Variants in LDLRAD4 observed in about 807,000 individuals in gnomAD.
LDLRAD4 encodes the protein low-density lipoprotein receptor class A domain-containing protein 4.
In LDLRAD4, 5 loss-of-function variants were observed where a neutral mutation model predicts 17.0. The observed-to-expected ratio is 0.29, with a 90% CI of 0.15 to 0.62. The LOEUF is 0.62. Among genes scored for constraint, LDLRAD4 ranks in the 20% least tolerant of loss-of-function variants. The pLI, the probability that LDLRAD4 is intolerant of heterozygous loss-of-function variation, is 0.84. For missense variants in LDLRAD4, 340 were observed against 424.7 expected (o/e 0.80, Z 1.75); for synonymous variants, 168 against 171.8 (o/e 0.98, Z 0.17).
chr18:13,446,006 T>C (rs533471603), intron 3 of LDLRAD4, among the ~76,000 whole-genome samples: 64 of 152,290 alleles, frequency 4.2e-4, no homozygotes, highest in African/African-American at 1.5e-3. Context: ...TTTACTGAAA[T>C]AGTGCAGGAC....
At chr18:13,249,347 C>T (rs2145801103) in intron 1 of LDLRAD4, among the ~76,000 whole-genome samples, 1 of 152,224 alleles carries the variant, frequency 6.6e-6, no homozygotes, top group East Asian at 1.9e-4. Context: ...GTGACTGTAC[C>T]AGCTTACATT....
At chr18:13,368,989 C>T (rs900936299) in intron 1 of LDLRAD4, among the ~76,000 whole-genome samples, 1 of 152,194 alleles carries the variant, frequency 6.6e-6, no homozygotes, top group Non-Finnish European at 1.5e-5. Flanking sequence ...CAGGTGTGAG[C>T]CACCGTGCCA....
intron 3 of LDLRAD4, among the ~76,000 whole-genome samples, chr18:13,553,652 A>C (rs375849493): frequency 6.6e-6 from 1 of 152,246 alleles, no homozygotes. Flanking sequence ...GTTTTCTGAC[A>C]CCTTTATTTT....
rs187443135 is a variant in LDLRAD4 at position 13,263,409 on chromosome 18, A to C, written c.-466-14696A>C. Among the ~76,000 whole-genome samples, 503 of 152,304 alleles carry C rather than the reference A, an allele frequency of 3.3e-3. 1 individual carries two copies. The highest frequency in any genetic ancestry group is 5.7e-3 in the Non-Finnish European group (390 of 68,020). On this transcript the variant is annotated intron_variant, in intron 1 of 5. Coordinates refer to the LDLRAD4 transcript ENST00000399848. Reference sequence around the variant, plus strand: ...CTGAGTCCTGTGTGCCAGTCTTCCCATTGCCATCTCAGGGATCCTCAGGGC... The same window carrying C: ...CTGAGTCCTGTGTGCCAGTCTTCCCCTTGCCATCTCAGGGATCCTCAGGGC...
intron 1 of LDLRAD4, among the ~76,000 whole-genome samples, chr18:13,348,015 G>A (rs975074880): frequency 2.6e-5 from 4 of 152,142 alleles, no homozygotes; most frequent in East Asian, 1.9e-4. Flanking sequence ...CCACGGGTTC[G>A]AAATTCCTCC....
At chr18:13,223,078 A>G (rs1453505764) in intron 1 of LDLRAD4, among the ~76,000 whole-genome samples, 1 of 152,200 alleles carries the variant, frequency 6.6e-6, no homozygotes, top group Non-Finnish European at 1.5e-5. Flanking sequence ...AATGAACTTA[A>G]TGGTCTTGCC....
rs370329228 is a variant in LDLRAD4 at position 13,226,060 on chromosome 18, G to A, written c.-467+7072G>A. Reference sequence around the variant, plus strand: ...AATGGAGATGGGGTCTTGCTCTGTTGTCCAGGCTGGAGTGCAGTGGTGTGA... The same window carrying A: ...AATGGAGATGGGGTCTTGCTCTGTTATCCAGGCTGGAGTGCAGTGGTGTGA... On this transcript the variant is annotated intron_variant, in intron 1 of 5. Coordinates refer to the LDLRAD4 transcript ENST00000399848. Among the ~76,000 whole-genome samples the A allele has an allele frequency of 4.6e-5, 7 of 151,646 alleles. No homozygotes were observed. The South Asian group carries it at 1.2e-3, about 27-fold the overall frequency.
chr18:13,595,313 A>C (rs936018386), intron 3 of LDLRAD4, among the ~76,000 whole-genome samples: 1 of 151,984 alleles, frequency 6.6e-6, no homozygotes, highest in Non-Finnish European at 1.5e-5. Flanking sequence ...AGATTAGGTT[A>C]TTAATTTGAT....
intron 3 of LDLRAD4, among the ~76,000 whole-genome samples, chr18:13,524,002 A>G (rs115728260): frequency 0.014 from 2,058 of 152,192 alleles, 51 homozygotes; most frequent in African/African-American, 0.047. Context: ...CAGGAGGGGG[A>G]CCATTCACTC....
chr18:13,324,803 A>G (rs1008758637), intron 1 of LDLRAD4, among the ~76,000 whole-genome samples: 1 of 152,146 alleles, frequency 6.6e-6, no homozygotes, highest in Non-Finnish European at 1.5e-5. Context: ...TTCATTATTT[A>G]AAGAGGAAAG....
chr18:13,459,054 C>T (rs1180744243), intron 3 of LDLRAD4, among the ~76,000 whole-genome samples: 1 of 151,132 alleles, frequency 6.6e-6, no homozygotes, highest in Non-Finnish European at 1.5e-5. Context: ...TGGCTCACGC[C>T]TGTAATCTCA....
intron 1 of LDLRAD4, among the ~76,000 whole-genome samples, chr18:13,342,106 C>A (rs956146962): frequency 1.3e-5 from 2 of 152,018 alleles, no homozygotes; most frequent in Non-Finnish European, 2.9e-5. Flanking sequence ...ATTGTATAAT[C>A]CTTTTAATAT....
At chr18:13,450,477 T>C (rs1249443412) in intron 3 of LDLRAD4, among the ~76,000 whole-genome samples, 2 of 152,092 alleles carry the variant, frequency 1.3e-5, no homozygotes, top group Admixed American at 1.3e-4. Context: ...TTGTGGAAAA[T>C]TATATGCTGA....
intron 3 of LDLRAD4, among the ~76,000 whole-genome samples, chr18:13,445,855 G>A (rs1414985902): frequency 6.6e-6 from 1 of 152,062 alleles, no homozygotes. Context: ...TGGTGCATGT[G>A]TGCATGAGTG....
At chr18:13,612,913 C>G in intron 3 of LDLRAD4, 1 of 912,340 alleles carries the variant, frequency 1.1e-6, no homozygotes, top group East Asian at 2.7e-5. Flanking sequence ...TAAGAGGGGT[C>G]TGTCAACTCA....
intron 1 of LDLRAD4, among the ~76,000 whole-genome samples, chr18:13,305,827 G>A (rs1315365605): frequency 6.6e-6 from 1 of 152,188 alleles, no homozygotes; most frequent in African/African-American, 2.4e-5. Flanking sequence ...AAATACCTTT[G>A]TATCTTGTAT....
chr18:13,483,394 CT>C (rs1184117039), intron 3 of LDLRAD4, among the ~76,000 whole-genome samples: 1 of 152,202 alleles, frequency 6.6e-6, no homozygotes, highest in African/African-American at 2.4e-5. Context: ...CTGTGGAAAC[CT>C]TTGTGAAACA....
At chr18:13,426,581 T>G (rs768541345) in intron 2 of LDLRAD4, among the ~76,000 whole-genome samples, 1 of 152,182 alleles carries the variant, frequency 6.6e-6, no homozygotes, top group Non-Finnish European at 1.5e-5. Context: ...TACTGCAGCT[T>G]GGTGTACAGG....
At chr18:13,549,299 T>C (rs947918205) in intron 3 of LDLRAD4, among the ~76,000 whole-genome samples, 1 of 152,218 alleles carries the variant, frequency 6.6e-6, no homozygotes, top group African/African-American at 2.4e-5. Flanking sequence ...GTTGGAGTTT[T>C]GTTTAGGCTA....
Sources: allele counts gnomAD v4.1 joint callset (sites outside exome capture counted in the v4.1 genomes callset), GRCh38; gene constraint gnomAD v4.1.1; transcripts MANE v1.5; gene names NCBI Gene and HGNC (gene_info 2026-07-23, HGNC 2026-07-21).